The following SV2C variants were observed in gnomAD, a reference collection of about 807,000 sequenced individuals.
The protein encoded by SV2C is solute carrier family 22 member B3.
SV2C carries 49 observed loss-of-function variants against 79.7 expected under a neutral mutation model. That is an observed-to-expected ratio of 0.61 (90% confidence interval 0.49 to 0.78). The LOEUF (loss-of-function observed/expected upper bound fraction) is 0.78. Among genes scored for constraint, SV2C ranks in the 30% least tolerant of loss-of-function variants. SV2C has a pLI of 0.00. For missense variants in SV2C, 833 were observed against 912.9 expected (o/e 0.91, Z 1.13); for synonymous variants, 334 against 333.2 (o/e 1.00, Z -0.03).
rs537760638 is a variant in SV2C, at chr5:76,314,403, C to A, written c.2001-10961C>A. The stretch of plus-strand genomic sequence containing the variant: ...GCTCCCCGTTCCTCATAAAGCATTG[C>A]CTATTAGAGATCCACCTCCCCCTCT... On this transcript the variant is annotated intron_variant, in intron 12 of 12. Coordinates refer to ENST00000502798, the MANE Select transcript of SV2C (RefSeq NM_014979.4). Among the ~76,000 whole-genome samples the A allele has an allele frequency of 2.4e-3, 369 of 152,210 alleles. 3 individuals are homozygous for A. Among genetic ancestry groups the A allele is most frequent in the African/African-American group, 8.4e-3 (348 of 41,522 alleles).
At chr5:75,876,102 A>G in the SV2C span, among the ~76,000 whole-genome samples, 1 of 152,174 alleles carries the variant, frequency 6.6e-6, no homozygotes, top group Non-Finnish European at 1.5e-5. Context: ...TCATTCTACT[A>G]TAAAGACACA....
chr5:75,937,279 A>G, the SV2C span, among the ~76,000 whole-genome samples: 1 of 152,182 alleles, frequency 6.6e-6, no homozygotes, highest in African/African-American at 2.4e-5. Flanking sequence ...AGCTTCCAAC[A>G]TTTTATCCAT....
At chr5:76,048,983 G>GA in the SV2C span, among the ~76,000 whole-genome samples, 9 of 75,278 alleles carry the variant, frequency 1.2e-4, 1 homozygote, top group African/African-American at 3.2e-4. Context: ...AAGAAAGAAA[G>GA]AAAGAAAGAA....
At chr5:76,146,796 T>TAAA (rs1561236349) in intron 2 of SV2C, among the ~76,000 whole-genome samples, 14 of 67,078 alleles carry the variant, frequency 2.1e-4, no homozygotes, top group South Asian at 6.3e-4. Context: ...GAGTTTTTTT[T>TAAA]TAAAAAAAAA....
the SV2C span, among the ~76,000 whole-genome samples, chr5:75,894,861 A>T: frequency 6.6e-6 from 1 of 152,054 alleles, no homozygotes; most frequent in Non-Finnish European, 1.5e-5. Context: ...AGACTTGAGA[A>T]GGACTTGTGC....
intron 3 of SV2C, among the ~76,000 whole-genome samples, chr5:76,207,003 G>A (rs1397729182): frequency 6.6e-6 from 1 of 152,042 alleles, no homozygotes; most frequent in Non-Finnish European, 1.5e-5. Context: ...CAAGTATTGA[G>A]AGACATCCAG....
At chr5:75,850,369 A>C in the SV2C span, among the ~76,000 whole-genome samples, 1,047 of 152,308 alleles carry the variant, frequency 6.9e-3, 9 homozygotes, top group African/African-American at 0.023. Context: ...TCAATTTGTT[A>C]TATATTTGCA....
At chr5:76,301,036 G>A in intron 11 of SV2C, 104 bp downstream of exon 11, 4 of 1,294,690 alleles carry the variant, frequency 3.1e-6, no homozygotes, top group Non-Finnish European at 4.3e-6. Flanking sequence ...ATCCAATAAG[G>A]AGAAATCCTT....
chr5:76,213,408 T>C (rs12522470), intron 4 of SV2C, among the ~76,000 whole-genome samples: 52,051 of 152,004 alleles, frequency 0.34, 9,376 homozygotes, highest in East Asian at 0.61. Flanking sequence ...TTGTAAAATT[T>C]GTTAAACTGA....
chr5:75,872,372 A>C, the SV2C span, among the ~76,000 whole-genome samples: 1 of 152,102 alleles, frequency 6.6e-6, no homozygotes, highest in Non-Finnish European at 1.5e-5. Flanking sequence ...TTTAAACTCC[A>C]ATTTGGTTCT....
chr5:76,263,820 G>T (rs141091336), intron 4 of SV2C, among the ~76,000 whole-genome samples: 1 of 152,090 alleles, frequency 6.6e-6, no homozygotes, highest in African/African-American at 2.4e-5. Flanking sequence ...GGTTCCCTTT[G>T]TAGGTAACCT....
intron 1 of SV2C, among the ~76,000 whole-genome samples, chr5:76,103,801 A>G (rs759044901): frequency 2.6e-5 from 4 of 152,214 alleles, no homozygotes; most frequent in Admixed American, 6.5e-5. Context: ...AGATGAAATA[A>G]TATCTATTTT....
chr5:76,215,136 G>T (rs10056023), intron 4 of SV2C, among the ~76,000 whole-genome samples: 50,440 of 151,906 alleles, frequency 0.33, 8,827 homozygotes, highest in East Asian at 0.6. Context: ...CTGGGAGCTT[G>T]TCATTGATGG....
the SV2C span, chr5:75,910,288 C>T: frequency 2.0e-6 from 1 of 504,726 alleles, no homozygotes; most frequent in Admixed American, 2.2e-5. Flanking sequence ...ATTAGTTTTC[C>T]ATGGTCCTCA....
At chr5:76,301,346 G>A (rs778103369) in intron 11 of SV2C, 40 bp from the exon 12 acceptor site, 5 of 1,609,646 alleles carry the variant, frequency 3.1e-6, no homozygotes, top group African/African-American at 2.7e-5. Flanking sequence ...TTACTAAGAT[G>A]ACAGGAAACA....
rs547429233 is a variant in SV2C, at chr5:76,206,408, G to A, written c.762-3328G>A. Among the ~76,000 whole-genome samples, 10 of 152,288 alleles carry A rather than the reference G, an allele frequency of 6.6e-5. No individual in the cohort carries two copies. The East Asian group carries it at 1.2e-3, about 18-fold the overall frequency. ...GGGAGCTCTCTCCACAACAAGGACC[G>A]TCAGGTCATTTGGTCAAGGGGTGAC... On this transcript the variant is annotated intron_variant, in intron 3 of 12. Transcript: ENST00000502798.
chr5:76,168,430 A>C (rs1743109583), intron 2 of SV2C, among the ~76,000 whole-genome samples: 1 of 152,032 alleles, frequency 6.6e-6, no homozygotes, highest in African/African-American at 2.4e-5. Flanking sequence ...TCAGATAATA[A>C]TATGTGGAAC....
At chr5:76,021,957 T>C in the SV2C span, among the ~76,000 whole-genome samples, 2 of 152,198 alleles carry the variant, frequency 1.3e-5, no homozygotes, top group African/African-American at 4.8e-5. Context: ...CTTCTTAAAC[T>C]ATTCTTGGAT....
the SV2C span, among the ~76,000 whole-genome samples, chr5:76,036,745 G>T: frequency 6.6e-6 from 1 of 152,126 alleles, no homozygotes; most frequent in African/African-American, 2.4e-5. Context: ...TTCTCGAGGA[G>T]TATCTTTGTG....
Sources: allele counts gnomAD v4.1 joint callset (sites outside exome capture counted in the v4.1 genomes callset), GRCh38; gene constraint gnomAD v4.1.1; transcripts MANE v1.5; gene names NCBI Gene and HGNC (gene_info 2026-07-23, HGNC 2026-07-21).